Variants in MAPKAP1 observed in about 807,000 individuals in gnomAD.
MAPKAP1 encodes the protein target of rapamycin complex 2 subunit MAPKAP1.
A neutral mutation model predicts 65.7 loss-of-function variants in MAPKAP1; 20 were observed. The observed-to-expected ratio is 0.30, with a 90% CI of 0.21 to 0.44. The LOEUF (loss-of-function observed/expected upper bound fraction) is 0.44, where lower values mean the gene tolerates loss of function less well. Among genes scored for constraint, MAPKAP1 ranks in the 20% least tolerant of loss-of-function variants. MAPKAP1 has a pLI of 1.00. For synonymous variants in MAPKAP1, 222 were observed against 244.3 expected (o/e 0.91, Z 0.85); for missense variants, 423 against 648.0 (o/e 0.65, Z 3.77).
intron 5 of MAPKAP1, among the ~76,000 whole-genome samples, chr9:125,573,362 C>A (rs1291520388): frequency 2.0e-5 from 3 of 152,218 alleles, no homozygotes; most frequent in Non-Finnish European, 4.4e-5. Context: ...CACTGCTACA[C>A]TCCCACCAGT....
chr9:125,476,733 T>C (rs1396222492), intron 9 of MAPKAP1, among the ~76,000 whole-genome samples: 1 of 152,226 alleles, frequency 6.6e-6, no homozygotes, highest in Non-Finnish European at 1.5e-5. Flanking sequence ...TAATAAAGTC[T>C]TCCTTTGAGT....
At chr9:125,541,294 A>G (rs1830240087) in intron 7 of MAPKAP1, among the ~76,000 whole-genome samples, 1 of 152,224 alleles carries the variant, frequency 6.6e-6, no homozygotes, top group Admixed American at 6.5e-5. Flanking sequence ...GACGGGAGAC[A>G]GAAGGAAAGA....
intron 8 of MAPKAP1, among the ~76,000 whole-genome samples, chr9:125,492,904 G>T (rs930206856): frequency 6.6e-6 from 1 of 152,174 alleles, no homozygotes; most frequent in African/African-American, 2.4e-5. Flanking sequence ...CATATGCCAG[G>T]TGCTGTGCTA....
At chr9:125,441,253 T>C (rs1383080276) in intron 11 of MAPKAP1, among the ~76,000 whole-genome samples, 2 of 152,174 alleles carry the variant, frequency 1.3e-5, no homozygotes, top group South Asian at 2.1e-4. Flanking sequence ...CTGAGATTCA[T>C]CTCAAAGCCT....
intron 10 of MAPKAP1, among the ~76,000 whole-genome samples, chr9:125,444,936 T>C (rs778934449): frequency 1.6e-4 from 25 of 152,194 alleles, no homozygotes; most frequent in Non-Finnish European, 3.1e-4. Flanking sequence ...TCCACATTAT[T>C]ACTCTAAAAA....
chr9:125,635,580 A>C (rs142884633), intron 4 of MAPKAP1, among the ~76,000 whole-genome samples: 27 of 152,342 alleles, frequency 1.8e-4, no homozygotes, highest in African/African-American at 6.5e-4. Flanking sequence ...GTGAACTGAA[A>C]TATCTGCCCA....
At chr9:125,665,993 C>A (rs1834330011) in intron 3 of MAPKAP1, among the ~76,000 whole-genome samples, 1 of 152,148 alleles carries the variant, frequency 6.6e-6, no homozygotes, top group African/African-American at 2.4e-5. Flanking sequence ...AATTATTAGG[C>A]ACACAGGAGT....
chr9:125,625,693 A>G (rs753031322), intron 4 of MAPKAP1, among the ~76,000 whole-genome samples: 2 of 152,090 alleles, frequency 1.3e-5, no homozygotes, highest in Non-Finnish European at 2.9e-5. Context: ...TACTTGGGAG[A>G]CTGAGGCACA....
At chr9:125,702,864 A>G (rs1003740466) in intron 1 of MAPKAP1, among the ~76,000 whole-genome samples, 8 of 151,952 alleles carry the variant, frequency 5.3e-5, no homozygotes, top group Non-Finnish European at 1.0e-4. Flanking sequence ...AAAAAAGAAA[A>G]AAAAAAAAAA....
intron 2 of MAPKAP1, among the ~76,000 whole-genome samples, chr9:125,671,769 T>C (rs1180926705): frequency 6.6e-6 from 1 of 151,946 alleles, no homozygotes; most frequent in Non-Finnish European, 1.5e-5. Context: ...AAAGGCGAAG[T>C]ATCAAAAACA....
intron 8 of MAPKAP1, among the ~76,000 whole-genome samples, chr9:125,484,921 G>GT (rs994665412): frequency 8.6e-5 from 13 of 151,852 alleles, no homozygotes; most frequent in African/African-American, 2.9e-4. Flanking sequence ...CACGGGTCTT[G>GT]TTTTTTTTCT....
intron 6 of MAPKAP1, among the ~76,000 whole-genome samples, chr9:125,545,024 T>C (rs1830379706): frequency 1.3e-5 from 2 of 152,248 alleles, no homozygotes; most frequent in African/African-American, 4.8e-5. Context: ...CAAAAGCCGA[T>C]GCTGGTCTGG....
chr9:125,486,112 A>C (rs1854493011), intron 8 of MAPKAP1, among the ~76,000 whole-genome samples: 1 of 152,236 alleles, frequency 6.6e-6, no homozygotes, highest in African/African-American at 2.4e-5. Context: ...AATAATAGCT[A>C]GTATACATGA....
At chr9:125,489,619 C>G (rs1413288256) in intron 8 of MAPKAP1, among the ~76,000 whole-genome samples, 1 of 151,938 alleles carries the variant, frequency 6.6e-6, no homozygotes, top group Non-Finnish European at 1.5e-5. Flanking sequence ...GGAGAAGCAG[C>G]TTAAGTCTCG....
intron 4 of MAPKAP1, among the ~76,000 whole-genome samples, chr9:125,618,323 CAG>C (rs1160480251): frequency 1.9e-5 from 2 of 103,752 alleles, no homozygotes; most frequent in African/African-American, 7.7e-5. Context: ...GCCTGGGTGA[CAG>C]AGTGAGGCTC....
chr9:125,511,033 T>TA (rs1829282918), intron 7 of MAPKAP1, among the ~76,000 whole-genome samples: 1 of 152,160 alleles, frequency 6.6e-6, no homozygotes, highest in African/African-American at 2.4e-5. Context: ...TTCTTCTTTA[T>TA]AAAACAGGGG....
chr9:125,527,771 T>A (rs1829815291), intron 7 of MAPKAP1, among the ~76,000 whole-genome samples: 1 of 152,214 alleles, frequency 6.6e-6, no homozygotes, highest in Admixed American at 6.5e-5. Flanking sequence ...GGTATACTCC[T>A]CTGGCTCCCC....
chr9:125,492,515 T>G (rs1223201414), intron 8 of MAPKAP1, among the ~76,000 whole-genome samples: 1 of 152,230 alleles, frequency 6.6e-6, no homozygotes, highest in Admixed American at 6.5e-5. Context: ...GTTTTAAAAG[T>G]GTTTTCATAG....
At chr9:125,699,859 C>T (rs1205097547) in intron 1 of MAPKAP1, among the ~76,000 whole-genome samples, 2 of 152,186 alleles carry the variant, frequency 1.3e-5, no homozygotes, top group Admixed American at 6.5e-5. Context: ...AAGCAATCCA[C>T]TCATCTTGGC....
Sources: gnomAD v4.1 joint callset for allele counts (sites outside exome capture counted in the v4.1 genomes callset) on GRCh38, gnomAD v4.1.1 for gene constraint, MANE v1.5 for transcripts, NCBI Gene and HGNC (gene_info 2026-07-23, HGNC 2026-07-21) for gene names.